The following MPDZ variants were observed in gnomAD, a reference collection of about 807,000 sequenced individuals.
MPDZ encodes multiple PDZ domain crumbs cell polarity complex component, also known as multiple PDZ domain protein.
MPDZ carries 234 observed loss-of-function variants against 239.1 expected under a neutral mutation model. That is an observed-to-expected ratio of 0.98 (90% CI 0.88 to 1.09). The LOEUF (loss-of-function observed/expected upper bound fraction) is 1.09. Among genes scored for constraint, MPDZ ranks in the 50% least tolerant of loss-of-function variants. MPDZ has a pLI of 0.00. For synonymous variants in MPDZ, 1,048 were observed against 881.3 expected (o/e 1.19, Z -3.35); for missense variants, 3,175 against 2,510.0 (o/e 1.26, Z -5.66).
rs558822413 is a variant in MPDZ, at chr9:13,279,504, C to T, written c.-162G>A. 5 of 136,752 alleles carry T rather than the reference C, an allele frequency of 3.7e-5. No homozygotes were observed. The South Asian group carries it at 7.1e-4, about 20-fold the overall frequency. The allele number at this position is 136,752 out of a possible 1,614,324, so 8.5% of individuals were successfully genotyped here. On this transcript the variant is annotated 5_prime_UTR_variant, in exon 1 of 47. Coordinates refer to ENST00000319217, the MANE Select transcript of MPDZ (RefSeq NM_001378778.1). Reference sequence around the variant, plus strand: ...GCCTCGCCTCGCCCACGCTCACTGTCTTCTCTTCTGAAGTAACGACCCGGC... The same window carrying T: ...GCCTCGCCTCGCCCACGCTCACTGTTTTCTCTTCTGAAGTAACGACCCGGC...
intron 24 of MPDZ, among the ~76,000 whole-genome samples, chr9:13,155,034 C>T (rs543441346): frequency 1.1e-4 from 16 of 152,074 alleles, no homozygotes; most frequent in Non-Finnish European, 1.5e-4. Context: ...CTGGCCAACA[C>T]GGTGAAACCC....
At chr9:13,219,038 A>G (rs1958718376) in intron 8 of MPDZ, among the ~76,000 whole-genome samples, 1 of 151,964 alleles carries the variant, frequency 6.6e-6, no homozygotes, top group South Asian at 2.1e-4. Flanking sequence ...CAAATCTGAT[A>G]ACAGTTCTAA....
rs763153198 is a variant in MPDZ, at chr9:13,187,122, CAGA to C, written c.2365-739_2365-737del. ...CATCACCTGGCATCAGCAAAACATACAGAAGAAGAATTATAGGGGAAAAGAAAC... is the reference window on the plus strand; with the variant it reads ...CATCACCTGGCATCAGCAAAACATACAGAAGAATTATAGGGGAAAAGAAAC... On this transcript the variant is annotated intron_variant, in intron 17 of 46. Coordinates refer to ENST00000319217, the MANE Select transcript of MPDZ (RefSeq NM_001378778.1). Among the ~76,000 whole-genome samples, 7 of 152,026 alleles carry C rather than the reference CAGA, an allele frequency of 4.6e-5. No homozygotes were observed. The East Asian group carries it at 5.8e-4, about 13-fold the overall frequency.
chr9:13,136,245 AAG>A, intron 30 of MPDZ, 63 bp from the exon 31 acceptor site: 1 of 1,110,960 alleles, frequency 9.0e-7, no homozygotes, highest in Non-Finnish European at 1.3e-6. Context: ...CTCTTACTTC[AAG>A]AGTCAGAAGG....
intron 32 of MPDZ, among the ~76,000 whole-genome samples, chr9:13,129,540 T>A (rs1313336884): frequency 1.3e-5 from 2 of 151,976 alleles, no homozygotes; most frequent in African/African-American, 4.8e-5. Flanking sequence ...TAAGAAAGGA[T>A]AACAGCATAT....
At chr9:13,228,352 T>C (rs914243846) in intron 3 of MPDZ, among the ~76,000 whole-genome samples, 3 of 152,066 alleles carry the variant, frequency 2.0e-5, no homozygotes, top group Non-Finnish European at 2.9e-5. Flanking sequence ...ACTTATTCAA[T>C]TTAAAAGTTT....
At chr9:13,192,384 A>T (rs996239760) in intron 14 of MPDZ, 89 bp from the exon 15 acceptor site, 1 of 1,170,640 alleles carries the variant, frequency 8.5e-7, no homozygotes, top group African/African-American at 1.5e-5. Flanking sequence ...TATAAATTTT[A>T]CTATAGTCAT....
chr9:13,116,024 C>G (rs1035682458), intron 39 of MPDZ, among the ~76,000 whole-genome samples: 5 of 151,448 alleles, frequency 3.3e-5, no homozygotes, highest in Non-Finnish European at 7.4e-5. Context: ...TTGTTTTGCC[C>G]TCAGTGGAAG....
At chr9:13,247,555 T>C (rs1321086966) in intron 3 of MPDZ, 80 bp downstream of exon 3, 65 of 1,469,166 alleles carry the variant, frequency 4.4e-5, no homozygotes, top group Non-Finnish European at 4.4e-5. Flanking sequence ...CATAGAAAAA[T>C]CAGCCTTTCA....
chr9:13,116,867 A>G (rs1027638767), intron 39 of MPDZ, among the ~76,000 whole-genome samples: 2 of 152,152 alleles, frequency 1.3e-5, no homozygotes, highest in African/African-American at 2.4e-5. Context: ...AACTTATAAG[A>G]TTGTATTTTA....
chr9:13,159,150 T>C (rs1202414024), intron 23 of MPDZ, among the ~76,000 whole-genome samples: 1 of 152,176 alleles, frequency 6.6e-6, no homozygotes, highest in African/African-American at 2.4e-5. Flanking sequence ...AGTCATCTAA[T>C]CCAGTCATCC....
chr9:13,265,749 A>G (rs566334304), intron 1 of MPDZ, among the ~76,000 whole-genome samples: 1 of 151,782 alleles, frequency 6.6e-6, no homozygotes, highest in Non-Finnish European at 1.5e-5. Context: ...TGACTTTGTG[A>G]GATCTCGATG....
chr9:13,112,216 CATG>C, intron 42 of MPDZ, 70 bp from the exon 43 acceptor site: 4 of 1,454,612 alleles, frequency 2.7e-6, no homozygotes, highest in Admixed American at 2.0e-5. Context: ...TATTCTTTGG[CATG>C]ATATCTATAG....
At position 13,205,972 on chromosome 9, in the gene MPDZ, C is replaced by G; in HGVS notation, c.1418G>C (p.Arg473Thr). Residue 473 changes from arginine (R) to threonine (T), a missense_variant, in exon 11 of 47, where the codon AGG (arginine) becomes ACG (threonine). Arg to Thr is a moderately conservative substitution (Grantham distance 71). Transcript: ENST00000319217. ...ATCTGCATCTTTTGTGACGTCTTCC[C>G]TTGACATGAGCTCGGCTTCCTGCTT... ...GMKQEAELMS[R>T]EDVTKDADLS... 1 of 1,610,760 alleles carries G rather than the reference C, an allele frequency of 6.2e-7. No individual in the cohort carries two copies. The highest frequency in any genetic ancestry group is 8.5e-7 in the Non-Finnish European group (1 of 1,178,780).
At chr9:13,213,157 T>C (rs920987901) in intron 10 of MPDZ, among the ~76,000 whole-genome samples, 36 of 152,160 alleles carry the variant, frequency 2.4e-4, no homozygotes, top group African/African-American at 7.5e-4. Flanking sequence ...GTTCAACTTT[T>C]TGAAAAAACA....
intron 1 of MPDZ, among the ~76,000 whole-genome samples, chr9:13,254,259 C>A (rs926720359): frequency 5.3e-5 from 8 of 152,170 alleles, no homozygotes; most frequent in African/African-American, 1.7e-4. Context: ...ACCGGTCGGT[C>A]TATCAAAGAA....
intron 29 of MPDZ, 125 bp from the exon 30 acceptor site, chr9:13,136,928 A>G (rs1015463478): frequency 2.1e-6 from 1 of 485,912 alleles, no homozygotes; most frequent in African/African-American, 2.0e-5. Flanking sequence ...TAAATGTTAT[A>G]TATTTTCCTC....
intron 26 of MPDZ, among the ~76,000 whole-genome samples, chr9:13,147,133 G>A (rs141330920): frequency 1.1e-3 from 168 of 152,118 alleles, no homozygotes; most frequent in Admixed American, 3.6e-3. Context: ...GATTGCATAA[G>A]TAGGAGATTC....
At chr9:13,149,978 A>C (rs1397057120) in intron 25 of MPDZ, among the ~76,000 whole-genome samples, 1 of 148,880 alleles carries the variant, frequency 6.7e-6, no homozygotes, top group Non-Finnish European at 1.5e-5. Flanking sequence ...ACTCACTTGG[A>C]AAAAAAAAAC....
Sources: allele counts gnomAD v4.1 joint callset (sites outside exome capture counted in the v4.1 genomes callset), GRCh38; gene constraint gnomAD v4.1.1; transcripts MANE v1.5; gene names NCBI Gene and HGNC (gene_info 2026-07-23, HGNC 2026-07-21).